CALCR: variants seen among roughly 807,000 people sequenced by gnomAD.
CALCR encodes calcitonin receptor.
CALCR carries 47 observed loss-of-function variants against 59.5 expected under a neutral mutation model. That is an observed-to-expected ratio of 0.79 (90% CI 0.63 to 1.01). The LOEUF (loss-of-function observed/expected upper bound fraction) is 1.01, where lower values mean the gene tolerates loss of function less well. CALCR is among the 50% of genes least tolerant of loss of function. CALCR has a pLI of 0.00. For synonymous variants in CALCR, 213 were observed against 211.3 expected, an observed-to-expected ratio of 1.01 and a Z score of -0.07; for missense variants, 566 against 597.1, an observed-to-expected ratio of 0.95 and a Z score of 0.54.
chr7:93,568,555 C>G (rs1421079063), intron 2 of CALCR, among the ~76,000 whole-genome samples: 3 of 139,402 alleles, frequency 2.2e-5, no homozygotes, highest in Non-Finnish European at 4.7e-5. Context: ...CTCTCTCTCT[C>G]TGTCTCTCTC....
In CALCR at chr7:93,450,495, T is replaced by C. The variant is rs113698190; in HGVS notation, c.649-6738A>G. Among the ~76,000 whole-genome samples the C allele has an allele frequency of 5.1e-3, 772 of 152,116 alleles. 5 individuals are homozygous for C. Among genetic ancestry groups the C allele is most frequent in the Non-Finnish European group, 8.4e-3 (568 of 67,926 alleles). On this transcript the variant is annotated intron_variant, in intron 8 of 13. Coordinates refer to ENST00000426151, the MANE Select transcript of CALCR (RefSeq NM_001742.4). ...AGGCCCCTCTTCTCTGACTCTTTTC[T>C]TTTTGAGATTTATTTCCTTCACTTT... is the stretch of plus-strand genomic sequence containing the variant.
intron 5 of CALCR, among the ~76,000 whole-genome samples, chr7:93,475,714 G>A (rs2034395827): frequency 6.6e-6 from 1 of 151,834 alleles, no homozygotes; most frequent in African/African-American, 2.4e-5. Context: ...AGTCTGGATC[G>A]AGTCATTTCT....
intron 8 of CALCR, among the ~76,000 whole-genome samples, chr7:93,453,208 A>G (rs2115770462): frequency 6.6e-6 from 1 of 152,196 alleles, no homozygotes; most frequent in East Asian, 1.9e-4. Flanking sequence ...ACAAATAATG[A>G]CAGCTGATTT....
At position 93,456,419 on chromosome 7, in the gene CALCR, C is replaced by T. The variant is rs558922258; in HGVS notation, c.648+4402G>A. On this transcript the variant is annotated intron_variant, in intron 8 of 13. Coordinates refer to ENST00000426151, the MANE Select transcript of CALCR (RefSeq NM_001742.4). The stretch of plus-strand genomic sequence containing the variant: ...AGAGAAAAATATCCAAGTTTTTTGC[C>T]TCTTTGTTTTCTGTAGAAAAAAAAA... 4.2e-3 allele frequency among the ~76,000 whole-genome samples: 642 copies of T among 151,182 alleles called. 2 individuals carry two copies. The highest frequency in any genetic ancestry group is 5.8e-3 in the Non-Finnish European group (393 of 67,822).
At chr7:93,550,215 T>C (rs1789407902) in intron 2 of CALCR, among the ~76,000 whole-genome samples, 1 of 151,846 alleles carries the variant, frequency 6.6e-6, no homozygotes, top group Non-Finnish European at 1.5e-5. Context: ...TTAGGCCAGG[T>C]GTGGTGGCTC....
chr7:93,537,168 T>C (rs943230391), intron 2 of CALCR, among the ~76,000 whole-genome samples: 1 of 151,778 alleles, frequency 6.6e-6, no homozygotes, highest in Non-Finnish European at 1.5e-5. Context: ...TCATTTTAAA[T>C]AAGCATTCAT....
At chr7:93,548,646 G>A (rs1046468610) in intron 2 of CALCR, among the ~76,000 whole-genome samples, 2 of 144,708 alleles carry the variant, frequency 1.4e-5, no homozygotes, top group African/African-American at 2.5e-5. Flanking sequence ...ATGGATACAT[G>A]AACTAGTTAA....
At chr7:93,451,363 G>A (rs1800106657) in intron 8 of CALCR, among the ~76,000 whole-genome samples, 1 of 151,926 alleles carries the variant, frequency 6.6e-6, no homozygotes, top group Non-Finnish European at 1.5e-5. Flanking sequence ...CGCCACTGAA[G>A]TCCTATTTAT....
chr7:93,472,375 C>G lies in CALCR; in HGVS notation c.429G>C (p.Lys143Asn). Reference protein sequence around the residue: ...MCNAFTPEKLKNAYVLYYLAI... With the variant: ...MCNAFTPEKLNNAYVLYYLAI... ...TACTGAAACGTGAAAAAGAACCTAC[C>G]TTCAGTTTCTCAGGAGTGAAAGCAT... Residue 143 changes from lysine to asparagine, a missense_variant and splice_region_variant, in exon 6 of 14, where the codon AAG (lysine) becomes AAC (asparagine). Transcript: ENST00000426151. 6.4e-7 allele frequency: 1 copy of G among 1,562,682 alleles called. No individual in the cohort carries two copies. The highest frequency in any genetic ancestry group is 8.8e-7 in the Non-Finnish European group (1 of 1,136,368).
At chr7:93,532,303 G>C (rs1216027527) in intron 2 of CALCR, among the ~76,000 whole-genome samples, 1 of 152,010 alleles carries the variant, frequency 6.6e-6, no homozygotes, top group Non-Finnish European at 1.5e-5. Context: ...AGCTCCAAGA[G>C]TGTAACAGTG....
At chr7:93,490,275 A>G (rs1044651588) in intron 2 of CALCR, among the ~76,000 whole-genome samples, 8 of 151,928 alleles carry the variant, frequency 5.3e-5, no homozygotes, top group Admixed American at 5.3e-4. Context: ...AGAGCTATTT[A>G]TGACAAATCC....
intron 2 of CALCR, among the ~76,000 whole-genome samples, chr7:93,563,533 GCACAATTTCCCTT>G (rs1219092739): frequency 6.6e-6 from 1 of 152,158 alleles, no homozygotes; most frequent in African/African-American, 2.4e-5. Context: ...ACCTGGCAAA[GCACAATTTCCCTT>G]TTGTGTAAAT....
intron 2 of CALCR, among the ~76,000 whole-genome samples, chr7:93,489,638 C>T (rs1801030215): frequency 6.6e-6 from 1 of 151,854 alleles, no homozygotes; most frequent in Non-Finnish European, 1.5e-5. Flanking sequence ...CTGTAAACAC[C>T]TCTACACAAA....
intron 2 of CALCR, among the ~76,000 whole-genome samples, chr7:93,523,918 T>C (rs1801819060): frequency 6.6e-6 from 1 of 152,086 alleles, no homozygotes; most frequent in South Asian, 2.1e-4. Flanking sequence ...TGCATATTAC[T>C]GCCTAATAAT....
At chr7:93,448,072 T>C (rs925450882) in intron 8 of CALCR, among the ~76,000 whole-genome samples, 6 of 151,920 alleles carry the variant, frequency 3.9e-5, no homozygotes, top group African/African-American at 1.4e-4. Context: ...CCCAGGGAAG[T>C]GTTGCCAAAA....
At chr7:93,455,901 C>T (rs1400034461) in intron 8 of CALCR, among the ~76,000 whole-genome samples, 1 of 152,064 alleles carries the variant, frequency 6.6e-6, no homozygotes, top group Admixed American at 6.6e-5. Flanking sequence ...TTGGTGGTGG[C>T]ACATAAGCAG....
At chr7:93,468,642 T>A in intron 7 of CALCR, 73 bp downstream of exon 7, 1 of 1,052,856 alleles carries the variant, frequency 9.5e-7, no homozygotes, top group South Asian at 1.4e-5. Flanking sequence ...CCACCTCCAC[T>A]CTTGCAGAAT....
At chr7:93,515,237 CTG>C (rs1484060680) in intron 2 of CALCR, among the ~76,000 whole-genome samples, 2 of 151,848 alleles carry the variant, frequency 1.3e-5, no homozygotes, top group African/African-American at 4.8e-5. Context: ...ATATGAATTC[CTG>C]TGTGTGGAAA....
intron 9 of CALCR, among the ~76,000 whole-genome samples, 184 bp downstream of exon 9, chr7:93,443,420 T>C (rs1029827689): frequency 2.6e-5 from 4 of 152,018 alleles, no homozygotes; most frequent in Admixed American, 6.6e-5. Context: ...TTCAGCACAG[T>C]TGAGATTGTT....
Sources: allele counts gnomAD v4.1 joint callset (sites outside exome capture counted in the v4.1 genomes callset), GRCh38; gene constraint gnomAD v4.1.1; transcripts MANE v1.5; gene names NCBI Gene and HGNC (gene_info 2026-07-23, HGNC 2026-07-21).